Variants in CNNM1 observed in about 807,000 individuals in gnomAD.
The protein encoded by CNNM1 is metal transporter CNNM1.
A neutral mutation model predicts 78.8 loss-of-function variants in CNNM1; 44 were observed. That is an observed-to-expected ratio of 0.56 (90% CI 0.44 to 0.72). CNNM1 has a LOEUF of 0.72. CNNM1 is among the 30% of genes least tolerant of loss of function. The pLI is 0.00. For missense variants in CNNM1, 1,101 were observed against 1,292.2 expected, an observed-to-expected ratio of 0.85 and a Z score of 2.27; for synonymous variants, 584 against 581.5, an observed-to-expected ratio of 1.00 and a Z score of -0.06.
intron 1 of CNNM1, among the ~76,000 whole-genome samples, chr10:99,331,533 C>T (rs2029909435): frequency 6.6e-6 from 1 of 152,212 alleles, no homozygotes; most frequent in South Asian, 2.1e-4. Flanking sequence ...CTTCCCCATA[C>T]TTAATTTCCC....
Position 99,362,253 on chromosome 10 carries a change from C to G in CNNM1, c.1885C>G (p.Leu629Val), listed in dbSNP as rs1402519786. 7 of 1,613,388 alleles carry G rather than the reference C, an allele frequency of 4.3e-6. No homozygotes were observed. The highest frequency in any genetic ancestry group is 5.9e-6 in the Non-Finnish European group (7 of 1,179,668). ...TEVEPFKSLYLSEKILLRLLK... is the reference protein window; with the variant it reads ...TEVEPFKSLYVSEKILLRLLK... ...AGTGGAGCCCTTTAAGTCTCTGTACCTTTCGGAGAAGATCCTGCTCCGGCT... is the reference window on the plus strand; with the variant it reads ...AGTGGAGCCCTTTAAGTCTCTGTACGTTTCGGAGAAGATCCTGCTCCGGCT... The change falls in exon 4 of 11, where the codon CTT becomes GTT. Residue 629 changes from leucine (L) to valine (V), a missense_variant. Physicochemically the swap from Leu to Val is conservative, Grantham distance 32 (BLOSUM62 1). This residue lies in a region of CNNM1 where 277 missense variants were observed against 423.2 expected (regional missense o/e 0.65). Transcript: ENST00000356713.
rs765961265 is a variant in CNNM1 at position 99,329,495 on chromosome 10, G to C, written c.108G>C (p.Pro36=). 149 of 1,507,318 alleles carry C rather than the reference G, an allele frequency of 9.9e-5. No homozygotes were observed. In the South Asian group the frequency reaches 1.7e-3, roughly 18 times the overall value. The allele number at this position is 1,507,318 out of a possible 1,614,324, so 93.4% of individuals were successfully genotyped here. A position where few individuals can be genotyped will look rare whatever the true frequency, so the allele number is the denominator to read the frequency against. Residue 36 remains proline (P), a synonymous_variant, in exon 1 of 11, where the codon CCG becomes CCC. Transcript: ENST00000356713. ...LLFFSLSPRP[P]AAAAWLLGLR... Reference sequence around the variant, plus strand: ...TCTTTTCCCTGTCTCCTCGGCCCCCGGCCGCCGCCGCCTGGCTGCTGGGCC... The same window carrying C: ...TCTTTTCCCTGTCTCCTCGGCCCCCCGCCGCCGCCGCCTGGCTGCTGGGCC...
intron 4 of CNNM1, among the ~76,000 whole-genome samples, chr10:99,362,624 T>A (rs1051673009): frequency 6.6e-6 from 1 of 152,162 alleles, no homozygotes; most frequent in Non-Finnish European, 1.5e-5. Flanking sequence ...AACTCAGCGA[T>A]GTTTGGGGTG....
At chr10:99,335,584 C>T (rs1372316519) in intron 1 of CNNM1, among the ~76,000 whole-genome samples, 1 of 152,176 alleles carries the variant, frequency 6.6e-6, no homozygotes, top group African/African-American at 2.4e-5. Flanking sequence ...GCAAATCTCT[C>T]CTCTTCCTCT....
At chr10:99,383,542 G>A (rs1258664969) in intron 7 of CNNM1, among the ~76,000 whole-genome samples, 1 of 152,190 alleles carries the variant, frequency 6.6e-6, no homozygotes, top group Non-Finnish European at 1.5e-5. Context: ...AAAGTGCTGG[G>A]ATTACAGGTG....
Position 99,329,413 on chromosome 10 carries a change from C to G in CNNM1, c.26C>G (p.Ala9Gly), listed in dbSNP as rs893052990. 5.3e-6 allele frequency: 5 copies of G among 938,278 alleles called. No individual in the cohort carries two copies. Among genetic ancestry groups the G allele is most frequent in the Non-Finnish European group, 7.6e-6 (5 of 655,590 alleles). 58.1% of individuals were successfully genotyped at this position (938,278 alleles called of 1,614,324 possible). MAAAAAAA[A>G]AVGVRLRDCC... ...ATGGCGGCGGCCGCGGCGGCGGCAGCAGCGGTGGGTGTCAGGCTCCGGGAC... is the reference window on the plus strand; with the variant it reads ...ATGGCGGCGGCCGCGGCGGCGGCAGGAGCGGTGGGTGTCAGGCTCCGGGAC... Residue 9 changes from alanine to glycine, a missense_variant, in exon 1 of 11, where the codon GCA becomes GGA. By Grantham distance (60) the Ala-to-Gly change is moderately conservative. Around this residue, in one of 3 missense-constraint regions of CNNM1, gnomAD observed 476 missense variants for 484.5 expected, o/e 0.98. Coordinates refer to ENST00000356713, the MANE Select transcript of CNNM1 (RefSeq NM_020348.3).
chr10:99,384,680 C>T (rs1222467359), intron 7 of CNNM1, among the ~76,000 whole-genome samples: 2 of 152,160 alleles, frequency 1.3e-5, no homozygotes, highest in African/African-American at 2.4e-5. Flanking sequence ...ACTTTCTTCC[C>T]GTCCTTTCCT....
At chr10:99,338,910 T>G (rs762938840) in intron 1 of CNNM1, among the ~76,000 whole-genome samples, 4 of 152,192 alleles carry the variant, frequency 2.6e-5, no homozygotes, top group African/African-American at 9.7e-5. Context: ...GTGCTATAAT[T>G]TGGGAAGACT....
chr10:99,372,705 C>CT (rs1160710462), intron 6 of CNNM1, among the ~76,000 whole-genome samples: 1 of 152,148 alleles, frequency 6.6e-6, no homozygotes, highest in African/African-American at 2.4e-5. Context: ...TCAGAAACCT[C>CT]TGAGTGTATA....
At chr10:99,377,937 C>T (rs1359174505) in intron 7 of CNNM1, among the ~76,000 whole-genome samples, 2 of 150,984 alleles carry the variant, frequency 1.3e-5, no homozygotes, top group African/African-American at 4.9e-5. Context: ...ACATTTTCCC[C>T]TTTCCTCTTG....
At position 99,357,998 on chromosome 10, in the gene CNNM1, C is replaced by T. The variant is rs1219487867; in HGVS notation, c.1717+343C>T. ...GGCCTCTCTGCCCTTGTTTCTGTCC[C>T]CTGTGTTCTTGTTTGGTTGCTTCAT... On this transcript the variant is annotated intron_variant, in intron 2 of 10. Coordinates refer to ENST00000356713, the MANE Select transcript of CNNM1 (RefSeq NM_020348.3). Among the ~76,000 whole-genome samples, 4 of 152,206 alleles carry T rather than the reference C, an allele frequency of 2.6e-5. No individual in the cohort carries two copies. In the East Asian group the frequency reaches 7.7e-4, roughly 29 times the overall value.
In CNNM1 at chr10:99,364,962, C is replaced by T. The variant is rs763709789; in HGVS notation, c.2136C>T (p.Asp712=). ...GCATGCTTCTGTCCTTAGATAATGA[C>T]GTGCGGAAGGTTGGAAGTCTGGCTG... ...AIMTTACSDN[D]VRKVGSLAGS... The change falls in exon 6 of 11, where the codon GAC becomes GAT. Residue 712 remains aspartate, a synonymous_variant. Coordinates refer to ENST00000356713, the MANE Select transcript of CNNM1 (RefSeq NM_020348.3). 70 of 1,613,668 alleles carry T rather than the reference C, an allele frequency of 4.3e-5. No individual in the cohort carries two copies. Among genetic ancestry groups the T allele is most frequent in the African/African-American group, 8.0e-5 (6 of 74,902 alleles).
chr10:99,365,233 T>G, intron 6 of CNNM1: 1 of 624,352 alleles, frequency 1.6e-6, no homozygotes, highest in Non-Finnish European at 2.9e-6. Flanking sequence ...CTCACATGGT[T>G]GGGGGGATGC....
chr10:99,376,932 G>GA, intron 6 of CNNM1, 123 bp from the exon 7 acceptor site: 1 of 943,244 alleles, frequency 1.1e-6, no homozygotes, highest in Non-Finnish European at 1.6e-6. Context: ...ACCATCGCCT[G>GA]AAAGTCTTAT....
chr10:99,347,312 A>T (rs1218323789), intron 1 of CNNM1, among the ~76,000 whole-genome samples: 1 of 151,832 alleles, frequency 6.6e-6, no homozygotes, highest in African/African-American at 2.4e-5. Flanking sequence ...CGAGGTCAGG[A>T]GTTCAAAACT....
chr10:99,385,037 A>T (rs2134080339), intron 7 of CNNM1, among the ~76,000 whole-genome samples: 1 of 151,032 alleles, frequency 6.6e-6, no homozygotes. Context: ...GGCAAGACAG[A>T]GCGAGACTCC....
chr10:99,331,589 G>C (rs957036275), intron 1 of CNNM1, among the ~76,000 whole-genome samples: 1 of 152,194 alleles, frequency 6.6e-6, no homozygotes, highest in Non-Finnish European at 1.5e-5. Flanking sequence ...GTCCAGGGCC[G>C]GGCGCGGCGG....
Position 99,362,275 on chromosome 10 carries a change from G to A in CNNM1, c.1907G>A (p.Arg636Gln), listed in dbSNP as rs201507104. 43 of 1,613,870 alleles carry A rather than the reference G, an allele frequency of 2.7e-5. No homozygotes were observed. Among genetic ancestry groups the A allele is most frequent in the Non-Finnish European group, 3.6e-5 (42 of 1,179,834 alleles). ...SLYLSEKILL[R>Q]LLKHPNVIQE... is the part of the protein sequence containing the mutation. ...TACCTTTCGGAGAAGATCCTGCTCCGGCTCCTGAAACATCCCAACGTGATC... is the reference window on the plus strand; with the variant it reads ...TACCTTTCGGAGAAGATCCTGCTCCAGCTCCTGAAACATCCCAACGTGATC... The change falls in exon 4 of 11, where the codon CGG becomes CAG. Residue 636 changes from arginine to glutamine, a missense_variant. Physicochemically the swap from Arg to Gln is conservative, Grantham distance 43. Coordinates refer to ENST00000356713, the MANE Select transcript of CNNM1 (RefSeq NM_020348.3).
intron 1 of CNNM1, among the ~76,000 whole-genome samples, chr10:99,345,847 T>C (rs1244783928): frequency 6.6e-6 from 1 of 152,152 alleles, no homozygotes. Context: ...TGTTTTCTTT[T>C]ATATTTTTTA....
Sources: gnomAD v4.1 joint callset for allele counts (sites outside exome capture counted in the v4.1 genomes callset) on GRCh38, gnomAD v4.1.1 for gene constraint, gnomAD v4.1.1 regional missense constraint, MANE v1.5 for transcripts, NCBI Gene and HGNC (gene_info 2026-07-23, HGNC 2026-07-21) for gene names.